The following PCGF5 variants were observed in gnomAD, a reference collection of about 807,000 sequenced individuals.
The protein encoded by PCGF5 is polycomb group ring finger 5, also known as polycomb group RING finger protein 5.
In PCGF5, 9 loss-of-function variants were observed where a neutral mutation model predicts 44.3. The ratio of observed to expected loss-of-function variants is 0.20; its 90% CI spans 0.12 to 0.35. The LOEUF (loss-of-function observed/expected upper bound fraction) is 0.35. Ranked by LOEUF, PCGF5 falls within the 10% of genes least tolerant of loss-of-function variation. PCGF5 has a pLI of 1.00. For synonymous variants in PCGF5, 95 were observed against 102.5 expected, an observed-to-expected ratio of 0.93 and a Z score of 0.44; for missense variants, 146 against 305.3, an observed-to-expected ratio of 0.48 and a Z score of 3.89.
the PCGF5 span, among the ~76,000 whole-genome samples, chr10:91,156,873 C>A: frequency 2.4e-4 from 36 of 152,288 alleles, no homozygotes; most frequent in African/African-American, 7.5e-4. Context: ...TTTCTCCTCT[C>A]TTTAAAGTGG....
At chr10:91,214,774 T>C (rs1239810184) in intron 1 of PCGF5, among the ~76,000 whole-genome samples, 2 of 152,176 alleles carry the variant, frequency 1.3e-5, no homozygotes, top group Non-Finnish European at 2.9e-5. Context: ...GCATTGGGTC[T>C]GAGGAAGACA....
chr10:91,181,416 G>A (rs1843817180), intron 1 of PCGF5, among the ~76,000 whole-genome samples: 1 of 151,468 alleles, frequency 6.6e-6, no homozygotes, highest in East Asian at 1.9e-4. Flanking sequence ...GCCAGACAGG[G>A]CATCCTTGTC....
chr10:91,258,821 GTTGTTAT>G (rs1845824168), intron 6 of PCGF5, among the ~76,000 whole-genome samples: 1 of 152,072 alleles, frequency 6.6e-6, no homozygotes, highest in Admixed American at 6.6e-5. Flanking sequence ...TTGTGACCAG[GTTGTTAT>G]TTGTTAATTT....
chr10:91,167,271 G>A (rs1048159880), intron 1 of PCGF5, among the ~76,000 whole-genome samples: 17 of 152,092 alleles, frequency 1.1e-4, no homozygotes, highest in Non-Finnish European at 2.5e-4. Flanking sequence ...AGCAATATAA[G>A]AAGAATACTG....
intron 1 of PCGF5, among the ~76,000 whole-genome samples, chr10:91,192,477 C>T (rs1016458746): frequency 6.6e-6 from 1 of 152,174 alleles, no homozygotes; most frequent in East Asian, 1.9e-4. Flanking sequence ...CCATCTTGCT[C>T]ATCGTCAATT....
intron 1 of PCGF5, among the ~76,000 whole-genome samples, chr10:91,211,471 G>T (rs1055083900): frequency 3.9e-5 from 6 of 152,128 alleles, no homozygotes; most frequent in African/African-American, 1.4e-4. Flanking sequence ...CCAGACCTTT[G>T]CAGGGGCCAT....
chr10:91,217,052 G>A (rs1844554350), upstream of PCGF5, among the ~76,000 whole-genome samples: 1 of 148,710 alleles, frequency 6.7e-6, no homozygotes, highest in East Asian at 1.9e-4. Flanking sequence ...TTTTTTTTGA[G>A]ACAGAGTCTC....
chr10:91,182,096 T>G (rs529043052), intron 1 of PCGF5, among the ~76,000 whole-genome samples: 2 of 152,312 alleles, frequency 1.3e-5, no homozygotes, highest in African/African-American at 4.8e-5. Flanking sequence ...TTTATAATAT[T>G]CGCTGATGGT....
upstream of PCGF5, among the ~76,000 whole-genome samples, chr10:91,219,424 A>G (rs1306661681): frequency 6.6e-6 from 1 of 152,220 alleles, no homozygotes; most frequent in African/African-American, 2.4e-5. Flanking sequence ...ATACAGTAAT[A>G]TCCTCCAATG....
intron 2 of PCGF5, chr10:91,227,754 A>C (rs577178179): frequency 2.0e-6 from 2 of 999,382 alleles, no homozygotes; most frequent in African/African-American, 3.5e-5. Flanking sequence ...TCTGCCTACC[A>C]CTTCCTCCCC....
chr10:91,187,472 G>A (rs545429262), intron 1 of PCGF5, among the ~76,000 whole-genome samples: 2 of 152,052 alleles, frequency 1.3e-5, no homozygotes, highest in African/African-American at 4.8e-5. Context: ...ATGAGGTAGA[G>A]GTCGCTATCA....
At chr10:91,229,831 A>G (rs35112413) in intron 2 of PCGF5, among the ~76,000 whole-genome samples, 12,816 of 152,176 alleles carry the variant, frequency 0.084, 753 homozygotes, top group African/African-American at 0.16. Flanking sequence ...AATAGAAATT[A>G]TATTTATCAT....
chr10:91,218,277 A>C (rs1844583537), upstream of PCGF5, among the ~76,000 whole-genome samples: 1 of 152,194 alleles, frequency 6.6e-6, no homozygotes, highest in African/African-American at 2.4e-5. Flanking sequence ...GCTGAAGTAC[A>C]TTATTGATAA....
chr10:91,233,521 C>T (rs1284673391), intron 2 of PCGF5, among the ~76,000 whole-genome samples: 4 of 151,876 alleles, frequency 2.6e-5, no homozygotes, highest in African/African-American at 4.8e-5. Context: ...AAGAAACGTG[C>T]CAATATACGG....
intron 1 of PCGF5, among the ~76,000 whole-genome samples, chr10:91,183,021 G>A (rs1296726241): frequency 6.6e-6 from 1 of 152,164 alleles, no homozygotes; most frequent in Non-Finnish European, 1.5e-5. Flanking sequence ...TTGCTGAAGA[G>A]TGTTTTACTT....
upstream of PCGF5, among the ~76,000 whole-genome samples, chr10:91,161,479 CG>C (rs1249484884): frequency 6.6e-6 from 1 of 152,172 alleles, no homozygotes; most frequent in African/African-American, 2.4e-5. Context: ...CTAACAGGGC[CG>C]GAAGGCTCTT....
chr10:91,238,824 G>T (rs532937256), intron 2 of PCGF5, among the ~76,000 whole-genome samples: 2 of 152,012 alleles, frequency 1.3e-5, no homozygotes, highest in African/African-American at 4.8e-5. Flanking sequence ...AATTTGGGAA[G>T]AAGGCAAAGT....
At chr10:91,186,440 C>T (rs1843924820) in intron 1 of PCGF5, among the ~76,000 whole-genome samples, 1 of 151,858 alleles carries the variant, frequency 6.6e-6, no homozygotes, top group Non-Finnish European at 1.5e-5. Flanking sequence ...ATTGAACTTT[C>T]AATGAAAGAA....
chr10:91,242,731 G>A (rs994227884), intron 3 of PCGF5, among the ~76,000 whole-genome samples: 3 of 152,100 alleles, frequency 2.0e-5, no homozygotes, highest in Non-Finnish European at 4.4e-5. Flanking sequence ...ATGTGCATAT[G>A]TGTATTGGAT....
Sources: allele counts gnomAD v4.1 joint callset (sites outside exome capture counted in the v4.1 genomes callset), GRCh38; gene constraint gnomAD v4.1.1; transcripts MANE v1.5; gene names NCBI Gene and HGNC (gene_info 2026-07-23, HGNC 2026-07-21).